Variants in C12orf42 observed in about 807,000 individuals in gnomAD.
C12orf42 encodes uncharacterized protein C12orf42.
A neutral mutation model predicts 21.6 loss-of-function variants in C12orf42; 25 were observed. The observed-to-expected ratio is 1.16, with a 90% confidence interval of 0.84 to 1.62. The LOEUF (loss-of-function observed/expected upper bound fraction) is 1.62, where lower values mean the gene tolerates loss of function less well. Ranked by LOEUF, C12orf42 falls within the 40% of genes most tolerant of loss-of-function variation. The pLI is 0.00. For synonymous variants in C12orf42, 174 were observed against 175.0 expected (o/e 0.99, Z 0.05); for missense variants, 483 against 459.3 (o/e 1.05, Z -0.47).
chr12:103,468,305 T>TTGG (rs1953302654), intron 2 of C12orf42, among the ~76,000 whole-genome samples: 1 of 152,228 alleles, frequency 6.6e-6, no homozygotes, highest in Non-Finnish European at 1.5e-5. Flanking sequence ...TACATAGTTT[T>TTGG]CACCCTAATA....
the C12orf42 span, among the ~76,000 whole-genome samples, chr12:103,206,331 A>G: frequency 2.0e-5 from 3 of 152,058 alleles, no homozygotes; most frequent in East Asian, 5.8e-4. Flanking sequence ...GCAATTTCCA[A>G]CTTAGAGTCT....
chr12:103,062,637 C>T, the C12orf42 span, among the ~76,000 whole-genome samples: 4 of 152,086 alleles, frequency 2.6e-5, no homozygotes, highest in South Asian at 4.1e-4. Flanking sequence ...CCTAATATAA[C>T]GTGTCTTTGT....
the C12orf42 span, among the ~76,000 whole-genome samples, chr12:103,069,297 T>A: frequency 6.6e-6 from 1 of 151,974 alleles, no homozygotes. Flanking sequence ...ATCACAGTTA[T>A]TTTAATGTTT....
At chr12:103,338,437 G>T (rs1296741911) in intron 4 of C12orf42, among the ~76,000 whole-genome samples, 1 of 152,208 alleles carries the variant, frequency 6.6e-6, no homozygotes, top group Non-Finnish European at 1.5e-5. Context: ...TTATGCACTT[G>T]AAACTGATGT....
intron 4 of C12orf42, among the ~76,000 whole-genome samples, chr12:103,292,470 A>T (rs1350385066): frequency 6.6e-6 from 1 of 152,146 alleles, no homozygotes; most frequent in Non-Finnish European, 1.5e-5. Context: ...GTGGCTTAAA[A>T]ACAAAAAAGA....
the C12orf42 span, among the ~76,000 whole-genome samples, chr12:103,154,811 G>C: frequency 6.6e-6 from 1 of 152,100 alleles, no homozygotes; most frequent in Non-Finnish European, 1.5e-5. Flanking sequence ...AATGTTTGAC[G>C]TAATCTTTGC....
intron 10 of C12orf42, among the ~76,000 whole-genome samples, chr12:103,261,186 T>C (rs1481880137): frequency 6.6e-6 from 1 of 152,062 alleles, no homozygotes; most frequent in South Asian, 2.1e-4. Context: ...AATTAATGTA[T>C]GGGGCCAGAT....
intron 2 of C12orf42, among the ~76,000 whole-genome samples, chr12:103,457,541 C>A (rs1952387773): frequency 6.6e-6 from 1 of 152,152 alleles, no homozygotes; most frequent in Non-Finnish European, 1.5e-5. Context: ...CAATGTCTTA[C>A]TGCTGTGTCA....
chr12:103,228,292 G>A, the C12orf42 span, among the ~76,000 whole-genome samples: 1 of 152,168 alleles, frequency 6.6e-6, no homozygotes, highest in East Asian at 1.9e-4. Context: ...GTTCTCTGGC[G>A]GGCAGGAGTG....
downstream of C12orf42, among the ~76,000 whole-genome samples, chr12:103,267,319 T>G (rs923613108): frequency 1.3e-5 from 2 of 151,996 alleles, no homozygotes; most frequent in Non-Finnish European, 2.9e-5. Context: ...ACCCTACATA[T>G]CCGACAAATA....
At chr12:103,067,142 G>A in the C12orf42 span, among the ~76,000 whole-genome samples, 1 of 152,168 alleles carries the variant, frequency 6.6e-6, no homozygotes. Context: ...GATTATATTG[G>A]ACCTCTTCCA....
chr12:103,357,166 G>C (rs1044447228), intron 4 of C12orf42, among the ~76,000 whole-genome samples: 1 of 148,176 alleles, frequency 6.7e-6, no homozygotes, highest in Non-Finnish European at 1.5e-5. Flanking sequence ...GGGAGGGAGA[G>C]GGATGGCATT....
intron 4 of C12orf42, among the ~76,000 whole-genome samples, chr12:103,279,154 G>A (rs1337687495): frequency 6.6e-6 from 1 of 152,162 alleles, no homozygotes; most frequent in African/African-American, 2.4e-5. Context: ...ACCACATCAT[G>A]CCTATAGTTC....
At chr12:103,442,385 A>G (rs1445738364) in intron 2 of C12orf42, among the ~76,000 whole-genome samples, 2 of 152,186 alleles carry the variant, frequency 1.3e-5, no homozygotes. Context: ...TGCACTGGAC[A>G]GCACAGATGT....
chr12:103,298,006 T>C (rs1165055437), downstream of C12orf42, among the ~76,000 whole-genome samples: 1 of 151,846 alleles, frequency 6.6e-6, no homozygotes, highest in Middle Eastern at 3.4e-3. Flanking sequence ...TCATACTGAA[T>C]GGGCAAAAAC....
At chr12:103,202,152 G>A in the C12orf42 span, among the ~76,000 whole-genome samples, 1 of 152,196 alleles carries the variant, frequency 6.6e-6, no homozygotes, top group East Asian at 1.9e-4. Flanking sequence ...TTCCTGTGGA[G>A]TACTGGAAGG....
At chr12:103,378,377 C>T (rs569730401) in intron 3 of C12orf42, among the ~76,000 whole-genome samples, 32 of 152,268 alleles carry the variant, frequency 2.1e-4, no homozygotes, top group African/African-American at 7.5e-4. Context: ...CTTCAAAAGG[C>T]ACCCTCCCAA....
chr12:103,353,346 G>A (rs2043259024), intron 4 of C12orf42, among the ~76,000 whole-genome samples: 1 of 151,872 alleles, frequency 6.6e-6, no homozygotes, highest in South Asian at 2.1e-4. Flanking sequence ...ACCAGTGAGA[G>A]AAGGCGACTG....
At chr12:103,399,198 T>C (rs2047778861) in intron 3 of C12orf42, among the ~76,000 whole-genome samples, 3 of 151,882 alleles carry the variant, frequency 2.0e-5, no homozygotes, top group Admixed American at 2.0e-4. Context: ...AGATAATCAA[T>C]ATTATCTTTT....
Sources: gnomAD v4.1 joint callset for allele counts (sites outside exome capture counted in the v4.1 genomes callset) on GRCh38, gnomAD v4.1.1 for gene constraint, MANE v1.5 for transcripts, NCBI Gene and HGNC (gene_info 2026-07-23, HGNC 2026-07-21) for gene names.